Variants in CASP1 observed in about 807,000 individuals in gnomAD.
CASP1 encodes the protein caspase 1, also known as caspase-1.
In CASP1, 31 loss-of-function variants were observed where a neutral mutation model predicts 41.2. The ratio of observed to expected loss-of-function variants is 0.75; its 90% CI spans 0.57 to 1.02. The LOEUF (loss-of-function observed/expected upper bound fraction) is 1.02. Among genes scored for constraint, CASP1 ranks in the 50% least tolerant of loss-of-function variants. CASP1 has a pLI of 0.00. For synonymous variants in CASP1, 163 were observed against 166.5 expected (o/e 0.98, Z 0.16); for missense variants, 490 against 495.7 (o/e 0.99, Z 0.11).
rs1863561424 is a variant in CASP1, at chr11:105,029,790, T to C, written c.737A>G (p.Lys246Arg). ...SHGIREGICG[K>R]KHSEQVPDIL... ...ATCTGGGACTTGCTCAGAGTGTTTC[T>C]TCCCACAAATGCCTTCCCGAATACC... Residue 246 changes from lysine to arginine, a missense_variant, in exon 6 of 9, where the codon AAG (lysine) becomes AGG (arginine). Lys to Arg is a conservative substitution (Grantham distance 26, BLOSUM62 2). Coordinates refer to ENST00000533400, the MANE Select transcript of CASP1 (RefSeq NM_001257118.3). 6.2e-7 allele frequency: 1 copy of C among 1,613,696 alleles called. No homozygotes were observed. The highest frequency in any genetic ancestry group is 8.5e-7 in the Non-Finnish European group (1 of 1,179,696).
At position 105,029,848 on chromosome 11, in the gene CASP1, A is replaced by T. The variant is rs1296515759; in HGVS notation, c.679T>A (p.Ser227Thr). 2.5e-6 allele frequency: 4 copies of T among 1,613,788 alleles called. No homozygotes were observed. The highest frequency in any genetic ancestry group is 3.4e-6 in the Non-Finnish European group (4 of 1,179,768). The change falls in exon 6 of 9, where the codon TCT becomes ACT. Residue 227 changes from serine (S) to threonine (T), a missense_variant. Transcript: ENST00000533400. ...AFAHRPEHKT[S>T]DSTFLVFMSH... The stretch of plus-strand genomic sequence containing the variant: ...ATGAACACCAGGAACGTGCTGTCAG[A>T]GGTCTTGTGCTCTGGGCGGTGTGCA...
At chr11:105,035,663 C>T (rs1459848103), upstream of CASP1, among the ~76,000 whole-genome samples, 3 of 106,676 alleles carry the variant, frequency 2.8e-5, no homozygotes, top group African/African-American at 3.6e-5. Context: ...TCGTGCAGGC[C>T]GGAATGCAGT....
intron 4 of CASP1, 140 bp downstream of exon 4, chr11:105,031,025 A>C (rs1863659034): frequency 1.6e-6 from 1 of 609,722 alleles, no homozygotes; most frequent in Non-Finnish European, 3.0e-6. Flanking sequence ...GGATATAGAA[A>C]TCCTTTATGT....
rs1169569530 is a variant in CASP1 at position 105,029,731 on chromosome 11, T to A, written c.796A>T (p.Asn266Tyr). Residue 266 changes from asparagine to tyrosine, a missense_variant, in exon 6 of 9, where the codon AAT (asparagine) becomes TAT (tyrosine). Transcript: ENST00000533400. ...TTCAAACTTGGGCAGTTCTTGGTAT[T>A]CAACATGTTAAAGATTGCATTGAGT... Reference protein sequence around the residue: ...LQLNAIFNMLNTKNCPSLKDK... With the variant: ...LQLNAIFNMLYTKNCPSLKDK... 1 of 1,613,720 alleles carries A rather than the reference T, an allele frequency of 6.2e-7. No individual in the cohort carries two copies. Among genetic ancestry groups the A allele is most frequent in the Non-Finnish European group, 8.5e-7 (1 of 1,179,750 alleles).
intron 2 of CASP1, 131 bp downstream of exon 2, chr11:105,034,077 G>A (rs202143888): frequency 3.9e-5 from 57 of 1,461,912 alleles, no homozygotes; most frequent in Middle Eastern, 1.7e-4. Flanking sequence ...TAGGGACCCT[G>A]CTACAGAAAT....
chr11:105,030,628 G>T, intron 4 of CASP1, 125 bp from the exon 5 acceptor site: 1 of 725,962 alleles, frequency 1.4e-6, no homozygotes, highest in Non-Finnish European at 2.2e-6. Flanking sequence ...ACCATACATT[G>T]AAAAGGGGGA....
intron 6 of CASP1, 45 bp downstream of exon 6, chr11:105,029,620 G>T: frequency 7.2e-7 from 1 of 1,396,784 alleles, no homozygotes; most frequent in Non-Finnish European, 1.0e-6. Context: ...TACAGAGTAG[G>T]ATAGTATTTG....
chr11:105,033,035 G>C (rs746197254), intron 3 of CASP1, 29 bp downstream of exon 3: 1 of 1,405,014 alleles, frequency 7.1e-7, no homozygotes, highest in Non-Finnish European at 1.0e-6. Flanking sequence ...GTGGGTCAAA[G>C]AATGCTCTTC....
chr11:105,035,689 C>T (rs527619985), upstream of CASP1, among the ~76,000 whole-genome samples: 1 of 123,594 alleles, frequency 8.1e-6, no homozygotes, highest in African/African-American at 3.1e-5. Flanking sequence ...GACCTTGGCT[C>T]ACTGCAGCCT....
chr11:105,029,271 G>C lies in CASP1; in HGVS notation c.863-4C>G. On this transcript the variant is annotated splice_polypyrimidine_tract_variant and splice_region_variant and intron_variant, in intron 6 of 8. Coordinates refer to ENST00000533400, the MANE Select transcript of CASP1 (RefSeq NM_001257118.3). Reference sequence around the variant, plus strand: ...AACCACACCACACCAGGGCTGTCTGGAAAGACACAGTTTGATTTGTTACTA... The same window carrying C: ...AACCACACCACACCAGGGCTGTCTGCAAAGACACAGTTTGATTTGTTACTA... 6.2e-7 allele frequency: 1 copy of C among 1,608,748 alleles called. No individual in the cohort carries two copies.
At chr11:105,033,982 A>G in intron 2 of CASP1, 1 of 822,948 alleles carries the variant, frequency 1.2e-6, no homozygotes, top group South Asian at 1.3e-5. Flanking sequence ...GCTACCACAT[A>G]CTCAGAACAG....
chr11:105,026,662 G>A (rs1430292038), intron 8 of CASP1, 180 bp downstream of exon 8: 2 of 608,404 alleles, frequency 3.3e-6, no homozygotes, highest in Non-Finnish European at 5.8e-6. Context: ...AAGGCTGTGG[G>A]TCTTAATAGA....
intron 2 of CASP1, chr11:105,033,973 C>A: frequency 1.3e-6 from 1 of 799,980 alleles, no homozygotes; most frequent in Non-Finnish European, 2.2e-6. Flanking sequence ...AGTAAAGGAG[C>A]TACCACATAC....
intron 6 of CASP1, 95 bp downstream of exon 6, chr11:105,029,570 T>C (rs1330610393): frequency 1.2e-6 from 1 of 856,254 alleles, no homozygotes; most frequent in Non-Finnish European, 1.9e-6. Context: ...TCTTTGACAT[T>C]AAAAGACAAA....
At chr11:105,034,102 A>G in intron 2 of CASP1, 106 bp downstream of exon 2, 1 of 1,592,646 alleles carries the variant, frequency 6.3e-7, no homozygotes, top group Non-Finnish European at 8.6e-7. Context: ...CCCTGAAGCC[A>G]GAAATAAGAA....
intron 4 of CASP1, 79 bp from the exon 5 acceptor site, chr11:105,030,582 C>T (rs192408578): frequency 7.9e-7 from 1 of 1,262,806 alleles, no homozygotes; most frequent in East Asian, 2.3e-5. Flanking sequence ...GACAGCTTCC[C>T]CTTCCTTAGT....
In CASP1 at chr11:105,031,215, GCTT is replaced by G; in HGVS notation, c.400_402del (p.Lys134del). On this transcript the variant is annotated inframe_deletion, in exon 4 of 9. Transcript: ENST00000533400. ...CTTTGAGCTTCTTCTAGGGAGCAAAGCTTGACATTCCCTTCTGAGCCTGAGGAT... is the reference window on the plus strand; with the variant it reads ...CTTTGAGCTTCTTCTAGGGAGCAAAGGACATTCCCTTCTGAGCCTGAGGAT... 6.2e-7 allele frequency: 1 copy of G among 1,612,968 alleles called. No homozygotes were observed. The highest frequency in any genetic ancestry group is 8.5e-7 in the Non-Finnish European group (1 of 1,179,250).
At chr11:105,036,076 A>G (rs1864006213), upstream of CASP1, among the ~76,000 whole-genome samples, 1 of 152,146 alleles carries the variant, frequency 6.6e-6, no homozygotes, top group Admixed American at 6.6e-5. Context: ...TATTAATAGT[A>G]TGTACCTACA....
Position 105,026,381 on chromosome 11 carries a change from GC to G in CASP1, c.1117-26del, listed in dbSNP as rs763086617. ...CCTAAAAGAGTAAGGAAAGTCTGTAGCCCTTTTTTTTGCTGAGTTTTTTTTT... is the reference window on the plus strand; with the variant it reads ...CCTAAAAGAGTAAGGAAAGTCTGTAGCCTTTTTTTTGCTGAGTTTTTTTTT... On this transcript the variant is annotated intron_variant, in intron 8 of 8. Coordinates refer to ENST00000533400, the MANE Select transcript of CASP1 (RefSeq NM_001257118.3). 20 of 1,487,346 alleles carry G rather than the reference GC, an allele frequency of 1.3e-5. No homozygotes were observed. The South Asian group carries it at 2.0e-4, about 15-fold the overall frequency. 92.1% of individuals were successfully genotyped at this position (1,487,346 alleles called of 1,614,324 possible).
Sources: allele counts gnomAD v4.1 joint callset (sites outside exome capture counted in the v4.1 genomes callset), GRCh38; gene constraint gnomAD v4.1.1; transcripts MANE v1.5; gene names NCBI Gene and HGNC (gene_info 2026-07-23, HGNC 2026-07-21).